Variants in FANCC observed in about 807,000 individuals in gnomAD.
FANCC encodes the protein Fanconi anemia group C protein.
FANCC carries 55 observed loss-of-function variants against 71.3 expected under a neutral mutation model. The ratio of observed to expected loss-of-function variants is 0.77; its 90% CI spans 0.62 to 0.97. The LOEUF (loss-of-function observed/expected upper bound fraction) is 0.97, where lower values mean the gene tolerates loss of function less well. FANCC is among the 50% of genes least tolerant of loss of function. The pLI is 0.00. For missense variants in FANCC, 678 were observed against 670.9 expected, an observed-to-expected ratio of 1.01 and a Z score of -0.12; for synonymous variants, 275 against 244.9, an observed-to-expected ratio of 1.12 and a Z score of -1.15.
At chr9:95,236,297 G>C (rs1236103776) in intron 4 of FANCC, among the ~76,000 whole-genome samples, 2 of 152,142 alleles carry the variant, frequency 1.3e-5, no homozygotes, top group Non-Finnish European at 2.9e-5. Context: ...GTCTTTCTAG[G>C]TCCAGTGCTG....
chr9:95,308,534 C>T (rs189774488), intron 1 of FANCC, among the ~76,000 whole-genome samples: 9 of 152,210 alleles, frequency 5.9e-5, no homozygotes, highest in Admixed American at 3.9e-4. Flanking sequence ...GATCCACCCG[C>T]CTTGGCCTCC....
At chr9:95,127,584 C>T (rs1588110483) in intron 8 of FANCC, among the ~76,000 whole-genome samples, 1 of 152,210 alleles carries the variant, frequency 6.6e-6, no homozygotes, top group African/African-American at 2.4e-5. Context: ...CTCCGCTGTG[C>T]GCCCAGGGGG....
chr9:95,197,122 G>C (rs576639506), intron 4 of FANCC, among the ~76,000 whole-genome samples: 4 of 152,284 alleles, frequency 2.6e-5, no homozygotes, highest in East Asian at 1.9e-4. Flanking sequence ...CCTGATGAAA[G>C]TTGTGAACCC....
chr9:95,162,738 T>C (rs140767177), intron 6 of FANCC, among the ~76,000 whole-genome samples: 50 of 152,332 alleles, frequency 3.3e-4, no homozygotes, highest in Middle Eastern at 3.4e-3. Flanking sequence ...TTCATATGCT[T>C]GTTGGTCATT....
At chr9:95,231,240 A>C (rs907430459) in intron 4 of FANCC, among the ~76,000 whole-genome samples, 1 of 152,252 alleles carries the variant, frequency 6.6e-6, no homozygotes, top group Non-Finnish European at 1.5e-5. Flanking sequence ...ATATTTGCAG[A>C]AAGTAAAAAC....
At chr9:95,164,210 G>T (rs1286951176) in intron 6 of FANCC, among the ~76,000 whole-genome samples, 1 of 152,122 alleles carries the variant, frequency 6.6e-6, no homozygotes, top group Non-Finnish European at 1.5e-5. Flanking sequence ...TGTCATCTGT[G>T]AACAGAGACA....
intron 4 of FANCC, among the ~76,000 whole-genome samples, chr9:95,207,825 A>T (rs1258315645): frequency 6.6e-6 from 1 of 152,152 alleles, no homozygotes; most frequent in African/African-American, 2.4e-5. Flanking sequence ...ATAACTTAAC[A>T]AATTTTACTT....
rs1588070729 is a variant in FANCC, at chr9:95,117,350, G to A, written c.1037C>T (p.Pro346Leu). ...TTGCAGCAGCACCATGGCAAGAGAT[G>A]GAGAAGTGTAAGGAAAGTAGGTCTT... The part of the protein sequence containing the change: ...ALKTYFPYTS[P>L]SLAMVLLQDP... The change falls in exon 11 of 15, where the codon CCA (proline) becomes CTA (leucine). Residue 346 changes from proline (P) to leucine (L), a missense_variant. By Grantham distance (98) the Pro-to-Leu change is moderately conservative (BLOSUM62 -3). Transcript: ENST00000289081. 1 of 1,614,066 alleles carries A rather than the reference G, an allele frequency of 6.2e-7. No homozygotes were observed. Among genetic ancestry groups the A allele is most frequent in the Non-Finnish European group, 8.5e-7 (1 of 1,179,998 alleles).
Position 95,150,019 on chromosome 9 carries a change from T to G in FANCC, c.590A>C (p.Asp197Ala). 2.5e-6 allele frequency: 4 copies of G among 1,613,934 alleles called. No individual in the cohort carries two copies. The highest frequency in any genetic ancestry group is 2.5e-6 in the Non-Finnish European group (3 of 1,179,966). The change falls in exon 7 of 15, where the codon GAC (aspartate) becomes GCC (alanine). Residue 197 changes from aspartate (D) to alanine (A), a missense_variant. Coordinates refer to ENST00000289081, the MANE Select transcript of FANCC (RefSeq NM_000136.3). ...CVPLITLTDV[D>A]PLVEALLICH... Reference sequence around the variant, plus strand: ...GATGAGGAGAGCCTCCACCAGGGGGTCAACATCTGTCAGGGTAATAAGTGG... The same window carrying G: ...GATGAGGAGAGCCTCCACCAGGGGGGCAACATCTGTCAGGGTAATAAGTGG...
intron 10 of FANCC, chr9:95,123,826 ACCTGCGGATGCTG>A (rs1825506711): frequency 3.0e-6 from 2 of 672,354 alleles, no homozygotes; most frequent in Non-Finnish European, 5.6e-6. Context: ...TCCAATTTAG[ACCTGCGGATGCTG>A]CCCCACAACC....
chr9:95,264,974 T>C (rs1362127040), intron 1 of FANCC, among the ~76,000 whole-genome samples: 1 of 151,520 alleles, frequency 6.6e-6, no homozygotes, highest in Non-Finnish European at 1.5e-5. Flanking sequence ...TACCCCTGTG[T>C]TTGTGGCTTT....
chr9:95,262,332 A>C (rs1036785762), intron 1 of FANCC, among the ~76,000 whole-genome samples: 1 of 152,204 alleles, frequency 6.6e-6, no homozygotes, highest in Non-Finnish European at 1.5e-5. Context: ...GCATTAAAAC[A>C]CTTGAGCAGT....
At chr9:95,220,619 C>G (rs1216652564) in intron 4 of FANCC, among the ~76,000 whole-genome samples, 1 of 151,936 alleles carries the variant, frequency 6.6e-6, no homozygotes, top group Non-Finnish European at 1.5e-5. Flanking sequence ...ACCACAAGGA[C>G]AGAAAACCAA....
Position 95,101,849 on chromosome 9 carries a change from A to T in FANCC, c.1535T>A (p.Met512Lys). The change falls in exon 15 of 15, where the codon ATG becomes AAG. Residue 512 changes from methionine to lysine, a missense_variant and splice_region_variant. Physicochemically the swap from Met to Lys is moderately conservative, Grantham distance 95 (BLOSUM62 -1). Coordinates refer to ENST00000289081, the MANE Select transcript of FANCC (RefSeq NM_000136.3). Reference sequence around the variant, plus strand: ...GTGAGTTATCTCAGCAGTGTGAGCCATCTGCAATCAGGACAGAAGAGAAGG... The same window carrying T: ...GTGAGTTATCTCAGCAGTGTGAGCCTTCTGCAATCAGGACAGAAGAGAAGG... Reference protein sequence around the residue: ...HTIAWDVITLMAHTAEITHEI... With the variant: ...HTIAWDVITLKAHTAEITHEI... The T allele has an allele frequency of 6.2e-7, 1 of 1,613,954 alleles. No homozygotes were observed. The highest frequency in any genetic ancestry group is 1.1e-5 in the South Asian group (1 of 91,088).
intron 1 of FANCC, among the ~76,000 whole-genome samples, chr9:95,254,605 G>A (rs1831546745): frequency 6.6e-6 from 1 of 152,206 alleles, no homozygotes; most frequent in Non-Finnish European, 1.5e-5. Context: ...ATTCCCTTGG[G>A]TGCCTACACC....
rs920493853 is a variant in FANCC, at chr9:95,101,602, C to T, written c.*105G>A. 52 of 1,382,606 alleles carry T rather than the reference C, an allele frequency of 3.8e-5. No homozygotes were observed. The East Asian group carries it at 3.8e-4, about 10-fold the overall frequency. 85.6% of individuals were successfully genotyped at this position (1,382,606 alleles called of 1,614,324 possible). A position where few individuals can be genotyped will look rare whatever the true frequency, so the allele number is the denominator to read the frequency against. ...TGTACAGCTCATTCTCACAGCCCAG[C>T]GAGGGCACTTACTCCACAAATGCGT... On this transcript the variant is annotated 3_prime_UTR_variant, in exon 15 of 15. Coordinates refer to ENST00000289081, the MANE Select transcript of FANCC (RefSeq NM_000136.3).
intron 4 of FANCC, among the ~76,000 whole-genome samples, chr9:95,191,279 G>A (rs1827084848): frequency 6.7e-6 from 1 of 150,122 alleles, no homozygotes; most frequent in African/African-American, 2.5e-5. Flanking sequence ...AACCTCACAA[G>A]GCCCAGCCCA....
At chr9:95,232,826 AG>A (rs1336147020) in intron 4 of FANCC, among the ~76,000 whole-genome samples, 8 of 152,222 alleles carry the variant, frequency 5.3e-5, no homozygotes, top group Non-Finnish European at 1.2e-4. Context: ...CCATTTCCAG[AG>A]ACGCTCTGAT....
chr9:95,213,526 A>G (rs78300592), intron 4 of FANCC, among the ~76,000 whole-genome samples: 1 of 152,312 alleles, frequency 6.6e-6, no homozygotes, highest in East Asian at 1.9e-4. Flanking sequence ...ATGATTTTCA[A>G]CAAGGGTGCC....
Sources: gnomAD v4.1 joint callset for allele counts (sites outside exome capture counted in the v4.1 genomes callset) on GRCh38, gnomAD v4.1.1 for gene constraint, MANE v1.5 for transcripts, NCBI Gene and HGNC (gene_info 2026-07-23, HGNC 2026-07-21) for gene names.